The following MLLT3 variants were observed in gnomAD, a reference collection of about 807,000 sequenced individuals.
MLLT3 encodes MLLT3 super elongation complex subunit.
MLLT3 carries 4 observed loss-of-function variants against 53.2 expected under a neutral mutation model. The ratio of observed to expected loss-of-function variants is 0.08; its 90% confidence interval spans 0.04 to 0.17. The LOEUF is 0.17. Ranked by LOEUF, MLLT3 falls within the 10% of genes least tolerant of loss-of-function variation. The pLI, the probability that MLLT3 is intolerant of heterozygous loss-of-function variation, is 1.00. For missense variants in MLLT3, 569 were observed against 684.0 expected, an observed-to-expected ratio of 0.83 and a Z score of 1.87; for synonymous variants, 283 against 230.6, an observed-to-expected ratio of 1.23 and a Z score of -2.06.
intron 2 of MLLT3, among the ~76,000 whole-genome samples, chr9:20,523,350 C>T (rs1382058989): frequency 6.6e-6 from 1 of 152,146 alleles, no homozygotes; most frequent in Non-Finnish European, 1.5e-5. Context: ...CCATATAATC[C>T]AGCAAAGGAA....
chr9:20,514,247 A>G (rs557733154), intron 2 of MLLT3, among the ~76,000 whole-genome samples: 1 of 152,326 alleles, frequency 6.6e-6, no homozygotes, highest in East Asian at 1.9e-4. Flanking sequence ...AAGAAAACCA[A>G]AAAATGTCCT....
chr9:20,543,289 C>T (rs1039802664), intron 2 of MLLT3, among the ~76,000 whole-genome samples: 1 of 152,196 alleles, frequency 6.6e-6, no homozygotes, highest in Non-Finnish European at 1.5e-5. Context: ...CCTAACTCAC[C>T]CAGCTTTTGA....
intron 10 of MLLT3, among the ~76,000 whole-genome samples, chr9:20,350,687 T>C (rs1821001500): frequency 6.6e-6 from 1 of 152,096 alleles, no homozygotes; most frequent in Admixed American, 6.5e-5. Context: ...CTTCAGATGA[T>C]GGTTGTTGTG....
chr9:20,479,615 A>G (rs1824613629), intron 2 of MLLT3, among the ~76,000 whole-genome samples: 1 of 152,174 alleles, frequency 6.6e-6, no homozygotes, highest in Non-Finnish European at 1.5e-5. Flanking sequence ...TCCTGGCCTG[A>G]GATTTCAGGT....
intron 5 of MLLT3, among the ~76,000 whole-genome samples, chr9:20,405,948 C>T (rs1265236431): frequency 6.6e-6 from 1 of 151,858 alleles, no homozygotes; most frequent in Non-Finnish European, 1.5e-5. Flanking sequence ...CCCGCCTCTA[C>T]TAAAAGTACA....
chr9:20,595,241 C>T (rs557706140), intron 2 of MLLT3, among the ~76,000 whole-genome samples: 73 of 152,098 alleles, frequency 4.8e-4, no homozygotes, highest in Middle Eastern at 3.4e-3. Flanking sequence ...GAGGTGTGTG[C>T]CTGTGGATCC....
At position 20,558,002 on chromosome 9, in the gene MLLT3, CT is replaced by C. The variant is rs1165230240; in HGVS notation, c.193+62651del. Among the ~76,000 whole-genome samples the C allele has an allele frequency of 2.0e-5, 3 of 152,220 alleles. No individual in the cohort carries two copies. The East Asian group carries it at 5.8e-4, about 29-fold the overall frequency. ...GGATAGACGATTGATACAGACATCA[CT>C]GCCTATTCCTCTCCTCTCCAGTTGT... On this transcript the variant is annotated intron_variant, in intron 2 of 10. Coordinates refer to ENST00000380338, the MANE Select transcript of MLLT3 (RefSeq NM_004529.4).
chr9:20,589,001 T>C (rs1166027398), intron 2 of MLLT3, among the ~76,000 whole-genome samples: 9 of 151,268 alleles, frequency 5.9e-5, no homozygotes, highest in Non-Finnish European at 1.3e-4. Context: ...TGTAAACTAG[T>C]TCAACCATTG....
intron 2 of MLLT3, among the ~76,000 whole-genome samples, chr9:20,579,779 G>A (rs1395762396): frequency 6.6e-6 from 1 of 152,136 alleles, no homozygotes; most frequent in Admixed American, 6.6e-5. Flanking sequence ...AGGCTAGACA[G>A]GACATGGTAA....
intron 2 of MLLT3, among the ~76,000 whole-genome samples, chr9:20,519,774 T>G (rs1004182647): frequency 1.3e-5 from 2 of 152,220 alleles, no homozygotes; most frequent in African/African-American, 4.8e-5. Context: ...TCAACCATTG[T>G]GGAAGACAGT....
chr9:20,588,801 G>A (rs1252205857), intron 2 of MLLT3, among the ~76,000 whole-genome samples: 1 of 152,154 alleles, frequency 6.6e-6, no homozygotes, highest in African/African-American at 2.4e-5. Flanking sequence ...GGGACAATTT[G>A]ACTTCCTCTT....
rs56934102 is a variant in MLLT3, at chr9:20,343,214, A to AAAAAAAAAAAAAAAAAAAATTT, written c.*3228_*3229insAAATTTTTTTTTTTTTTTTTTT. ...AAAAAAAAAAAAAAAAAAAAAAAAA[A>AAAAAAAAAAAAAAAAAAAATTT]TTTTGAAGAAACTTTTTAGTGGAAG... On this transcript the variant is annotated 3_prime_UTR_variant, in exon 11 of 11. Coordinates refer to ENST00000380338, the MANE Select transcript of MLLT3 (RefSeq NM_004529.4). The AAAAAAAAAAAAAAAAAAAATTT allele has an allele frequency of 1.2e-4, 14 of 115,060 alleles. No individual in the cohort carries two copies. The highest frequency in any genetic ancestry group is 8.0e-4 in the African/African-American group (12 of 14,942). The allele number at this position is 115,060 out of a possible 1,614,324, so 7.1% of individuals were successfully genotyped here. A position where few individuals can be genotyped will look rare whatever the true frequency, so the allele number is the denominator to read the frequency against.
chr9:20,554,204 C>T (rs2119032198), intron 2 of MLLT3, among the ~76,000 whole-genome samples: 1 of 152,270 alleles, frequency 6.6e-6, no homozygotes, highest in Non-Finnish European at 1.5e-5. Context: ...CAAACCAATT[C>T]CACTTCCTTA....
At chr9:20,487,769 G>C (rs770602382) in intron 2 of MLLT3, among the ~76,000 whole-genome samples, 2 of 151,998 alleles carry the variant, frequency 1.3e-5, no homozygotes, top group Non-Finnish European at 2.9e-5. Flanking sequence ...AGAAAATAAG[G>C]GATTATTTCC....
intron 8 of MLLT3, among the ~76,000 whole-genome samples, chr9:20,360,386 A>G (rs1205927462): frequency 6.6e-6 from 1 of 152,238 alleles, no homozygotes; most frequent in Non-Finnish European, 1.5e-5. Context: ...TAAAGAACCA[A>G]GCTCTATACT....
intron 7 of MLLT3, 146 bp downstream of exon 7, chr9:20,363,330 G>T: frequency 2.4e-6 from 2 of 850,290 alleles, no homozygotes; most frequent in South Asian, 3.7e-5. Context: ...GTGTGTGTAG[G>T]CATACCAAGG....
At chr9:20,447,582 T>G (rs1242058381) in intron 4 of MLLT3, among the ~76,000 whole-genome samples, 2 of 152,198 alleles carry the variant, frequency 1.3e-5, no homozygotes, top group South Asian at 2.1e-4. Flanking sequence ...GGCAAAAGTT[T>G]ACAACACTTT....
At chr9:20,517,985 T>A (rs1188576108) in intron 2 of MLLT3, among the ~76,000 whole-genome samples, 1 of 152,056 alleles carries the variant, frequency 6.6e-6, no homozygotes, top group Non-Finnish European at 1.5e-5. Flanking sequence ...AACAATAAAA[T>A]GAGCAATAAT....
At chr9:20,468,239 AT>A (rs1464354355) in intron 2 of MLLT3, among the ~76,000 whole-genome samples, 2 of 152,206 alleles carry the variant, frequency 1.3e-5, no homozygotes, top group African/African-American at 4.8e-5. Context: ...ATATTAGAGA[AT>A]TTTTTGGACT....
Sources: gnomAD v4.1 joint callset for allele counts (sites outside exome capture counted in the v4.1 genomes callset) on GRCh38, gnomAD v4.1.1 for gene constraint, MANE v1.5 for transcripts, NCBI Gene and HGNC (gene_info 2026-07-23, HGNC 2026-07-21) for gene names.